FMN2: variants seen among roughly 807,000 people sequenced by gnomAD.
FMN2 encodes the protein formin 2.
FMN2 carries 51 observed loss-of-function variants against 142.3 expected under a neutral mutation model. The ratio of observed to expected loss-of-function variants is 0.36; its 90% CI spans 0.29 to 0.45. The LOEUF (loss-of-function observed/expected upper bound fraction) is 0.45, where lower values mean the gene tolerates loss of function less well. Among genes scored for constraint, FMN2 ranks in the 20% least tolerant of loss-of-function variants. The pLI, the probability that FMN2 is intolerant of heterozygous loss-of-function variation, is 1.00. For missense variants in FMN2, 1,936 were observed against 2,122.8 expected, an observed-to-expected ratio of 0.91 and a Z score of 1.73; for synonymous variants, 882 against 869.8, an observed-to-expected ratio of 1.01 and a Z score of -0.25.
chr1:240,310,901 T>C (rs994339543), intron 8 of FMN2, among the ~76,000 whole-genome samples: 5 of 152,150 alleles, frequency 3.3e-5, no homozygotes, highest in African/African-American at 1.2e-4. Context: ...CTGAAAATCA[T>C]TTTTTTCTTT....
chr1:240,414,459 G>A (rs1410996897), intron 15 of FMN2, among the ~76,000 whole-genome samples: 1 of 152,218 alleles, frequency 6.6e-6, no homozygotes, highest in Non-Finnish European at 1.5e-5. Flanking sequence ...GTGAGTAATA[G>A]TCTGCTCTGC....
Position 240,240,236 on chromosome 1 carries a change from C to T in FMN2, c.4066-17709C>T, listed in dbSNP as rs146654364. On this transcript the variant is annotated intron_variant, in intron 6 of 17. Transcript: ENST00000319653. ...TAGAGCCTGGAACCAGACTGCCTGG[C>T]TCATTTCCTAGCTCTGCCACTTTAT... 3.4e-3 allele frequency among the ~76,000 whole-genome samples: 520 copies of T among 152,214 alleles called. 4 individuals carry two copies. The highest frequency in any genetic ancestry group is 0.012 in the African/African-American group (499 of 41,528).
At position 240,236,900 on chromosome 1, in the gene FMN2, G is replaced by A. The variant is rs182100004; in HGVS notation, c.4066-21045G>A. On this transcript the variant is annotated intron_variant, in intron 6 of 17. Transcript: ENST00000319653. ...CCATATAAAAATTAAACTCTTCCAG[G>A]GATTTCTTTCAGGGATTTTGTTTTC... 1.6e-3 allele frequency among the ~76,000 whole-genome samples: 238 copies of A among 152,180 alleles called. 1 individual carries two copies. Among genetic ancestry groups the A allele is most frequent in the African/African-American group, 5.5e-3 (227 of 41,514 alleles).
chr1:240,462,003 C>A (rs555794156), intron 16 of FMN2, among the ~76,000 whole-genome samples: 1 of 151,996 alleles, frequency 6.6e-6, no homozygotes. Flanking sequence ...TAAATTTTAC[C>A]AGTTGATTAT....
chr1:240,098,789 G>A (rs1661310298), intron 1 of FMN2, among the ~76,000 whole-genome samples: 1 of 152,188 alleles, frequency 6.6e-6, no homozygotes, highest in Non-Finnish European at 1.5e-5. Flanking sequence ...TAGCTTCAGG[G>A]ATGGGTTTTA....
chr1:240,243,672 G>A (rs538908128), intron 6 of FMN2, among the ~76,000 whole-genome samples: 84 of 152,254 alleles, frequency 5.5e-4, no homozygotes, highest in Non-Finnish European at 9.0e-4. Context: ...CAAGTTATGG[G>A]AATATTGCAT....
intron 6 of FMN2, among the ~76,000 whole-genome samples, chr1:240,225,068 A>C (rs1048468870): frequency 6.6e-6 from 1 of 152,178 alleles, no homozygotes; most frequent in Non-Finnish European, 1.5e-5. Flanking sequence ...CTATGGGACT[A>C]TTGGGTCAGT....
chr1:240,451,229 G>A lies in FMN2; in HGVS notation c.5060+13019G>A, dbSNP rs146721113. Reference sequence around the variant, plus strand: ...AAAAATACAAAAATTAGCTGGGCGCGGTGGTGGGTACCTGTAATCCTCATG... The same window carrying A: ...AAAAATACAAAAATTAGCTGGGCGCAGTGGTGGGTACCTGTAATCCTCATG... On this transcript the variant is annotated intron_variant, in intron 16 of 17. Coordinates refer to ENST00000319653, the MANE Select transcript of FMN2 (RefSeq NM_020066.5). Among the ~76,000 whole-genome samples, 63 of 151,568 alleles carry A rather than the reference G, an allele frequency of 4.2e-4. 2 individuals carry two copies. Among genetic ancestry groups the A allele is most frequent in the African/African-American group, 1.3e-3 (54 of 41,030 alleles).
chr1:240,161,598 C>T (rs942585538), intron 2 of FMN2, among the ~76,000 whole-genome samples: 12 of 151,086 alleles, frequency 7.9e-5, no homozygotes, highest in African/African-American at 2.7e-4. Flanking sequence ...TATAATGCAA[C>T]AGTAATTAAG....
chr1:240,383,818 G>A (rs1673309741), intron 14 of FMN2, among the ~76,000 whole-genome samples: 1 of 151,834 alleles, frequency 6.6e-6, no homozygotes, highest in Admixed American at 6.6e-5. Context: ...ACTATTCTCA[G>A]TGGCAAAGTC....
chr1:240,188,232 T>G lies in FMN2; in HGVS notation c.1956T>G (p.Thr652=). Residue 652 remains threonine, a synonymous_variant, in exon 4 of 18, where the codon ACT becomes ACG. Transcript: ENST00000319653. ...AATCTCAATCTGCTGTTTCAGAAAC[T>G]CCCCAAAAACGCTCAGATGCTGTCC... is the stretch of plus-strand genomic sequence containing the variant. ...ETESQSAVSE[T]PQKRSDAVQK... is the part of the protein sequence containing the mutation. The G allele has an allele frequency of 1.2e-6, 2 of 1,613,886 alleles. No individual in the cohort carries two copies. The highest frequency in any genetic ancestry group is 1.1e-5 in the South Asian group (1 of 91,048).
At chr1:240,398,523 T>C (rs956053334) in intron 15 of FMN2, among the ~76,000 whole-genome samples, 2 of 152,202 alleles carry the variant, frequency 1.3e-5, no homozygotes, top group African/African-American at 4.8e-5. Context: ...GAGCCATCTT[T>C]TATAATTAAA....
chr1:240,434,560 T>TTG (rs757459416), intron 15 of FMN2, among the ~76,000 whole-genome samples: 54 of 151,228 alleles, frequency 3.6e-4, no homozygotes, highest in Admixed American at 1.1e-3. Flanking sequence ...TTTTTGTTTT[T>TTG]TTTTGTTTTT....
In FMN2 at chr1:240,143,035, G is replaced by A. The variant is rs1008535526; in HGVS notation, c.1782+19690G>A. The A allele has an allele frequency of 1.3e-5, 19 of 1,498,466 alleles. No homozygotes were observed. In the Middle Eastern group the frequency reaches 5.2e-4, roughly 41 times the overall value. The allele number at this position is 1,498,466 out of a possible 1,614,324, so 92.8% of individuals were successfully genotyped here. A position where few individuals can be genotyped will look rare whatever the true frequency, so the allele number is the denominator to read the frequency against. The stretch of plus-strand genomic sequence containing the variant: ...CCAGCCATGGCCACTGGACTCATAA[G>A]CTGCCAGTCACTGTGGTAGGGGCAG... On this transcript the variant is annotated intron_variant, in intron 2 of 17. Transcript: ENST00000319653.
At position 240,158,393 on chromosome 1, in the gene FMN2, T is replaced by C. The variant is rs1664123805; in HGVS notation, c.1783-19528T>C. On this transcript the variant is annotated intron_variant, in intron 2 of 17. Transcript: ENST00000319653. ...TCCCTGGGTGATGTTCAGAGCATTA[T>C]TGATGTTATATAATTTATTCTTATC... Among the ~76,000 whole-genome samples the C allele has an allele frequency of 2.6e-5, 4 of 152,158 alleles. No homozygotes were observed. In the South Asian group the frequency reaches 8.3e-4, roughly 32 times the overall value.
At chr1:240,295,834 C>T (rs970293691) in intron 8 of FMN2, among the ~76,000 whole-genome samples, 1 of 152,186 alleles carries the variant, frequency 6.6e-6, no homozygotes, top group Non-Finnish European at 1.5e-5. Flanking sequence ...TTGAGCAACA[C>T]CTACACTGCT....
At chr1:240,266,323 T>G (rs1668802058) in intron 7 of FMN2, among the ~76,000 whole-genome samples, 1 of 151,992 alleles carries the variant, frequency 6.6e-6, no homozygotes, top group South Asian at 2.1e-4. Context: ...CTTCTACAAA[T>G]GGGTAGCCAC....
intron 2 of FMN2, among the ~76,000 whole-genome samples, chr1:240,176,722 T>C (rs1243331106): frequency 6.6e-6 from 1 of 152,214 alleles, no homozygotes; most frequent in Non-Finnish European, 1.5e-5. Flanking sequence ...AATAGCGCAG[T>C]TTCTGGTGTT....
Position 240,093,567 on chromosome 1 carries a change from G to C in FMN2, c.1458G>C (p.Thr486=). The C allele has an allele frequency of 1.4e-6, 2 of 1,475,316 alleles. No homozygotes were observed. The highest frequency in any genetic ancestry group is 1.8e-6 in the Non-Finnish European group (2 of 1,123,222). The allele number at this position is 1,475,316 out of a possible 1,614,324, so 91.4% of individuals were successfully genotyped here. The change falls in exon 1 of 18, where the codon ACG becomes ACC. Residue 486 remains threonine, a synonymous_variant. Transcript: ENST00000319653. ...AAGLSRSADW[T]EELGARTPRV... is the part of the protein sequence containing the mutation. ...GCCTGAGCCGCTCGGCTGACTGGAC[G>C]GAGGAGCTAGGCGCCCGCACGCCCC...
Sources: allele counts gnomAD v4.1 joint callset (sites outside exome capture counted in the v4.1 genomes callset), GRCh38; gene constraint gnomAD v4.1.1; transcripts MANE v1.5; gene names NCBI Gene and HGNC (gene_info 2026-07-23, HGNC 2026-07-21).